The following DNMT3A variants were observed in gnomAD, a reference collection of about 807,000 sequenced individuals.
DNMT3A encodes the protein DNA (cytosine-5)-methyltransferase 3A.
DNMT3A carries 267 observed loss-of-function variants against 117.6 expected under a neutral mutation model. That is an observed-to-expected ratio of 2.27 (90% CI 2.05 to 2.51). The LOEUF (loss-of-function observed/expected upper bound fraction) is 2.51, where lower values mean the gene tolerates loss of function less well. Among genes scored for constraint, DNMT3A ranks in the 30% most tolerant of loss-of-function variants. The pLI is 0.00. For missense variants in DNMT3A, 1,029 were observed against 1,260.2 expected (o/e 0.82, Z 2.78); for synonymous variants, 432 against 474.8 (o/e 0.91, Z 1.17).
rs144134652 is a variant in DNMT3A at position 25,248,186 on chromosome 2, A to G, written c.706T>C (p.Ser236Pro). 5 of 1,612,234 alleles carry G rather than the reference A, an allele frequency of 3.1e-6. No individual in the cohort carries two copies. Among genetic ancestry groups the G allele is most frequent in the African/African-American group, 1.3e-5 (1 of 74,466 alleles). Residue 236 changes from serine to proline, a missense_variant, in exon 7 of 23, where the codon TCT (serine) becomes CCT (proline). Transcript: ENST00000321117. ...GGGCTGGCCTCCTCCACCTTCTGAGACTCCCCGGGCCCCTGGTTTTCTTCC... is the reference window on the plus strand; with the variant it reads ...GGGCTGGCCTCCTCCACCTTCTGAGGCTCCCCGGGCCCCTGGTTTTCTTCC... ...AVEENQGPGE[S>P]QKVEEASPPA... is the part of the protein sequence containing the mutation.
chr2:25,307,962 C>G (rs2033872954), intron 2 of DNMT3A, among the ~76,000 whole-genome samples: 1 of 152,176 alleles, frequency 6.6e-6, no homozygotes, highest in African/African-American at 2.4e-5. Context: ...TCACCACTTG[C>G]CTTGTTTTAC....
chr2:25,240,783 CAGGA>C, intron 17 of DNMT3A, 53 bp from the exon 18 acceptor site: 1 of 1,558,886 alleles, frequency 6.4e-7, no homozygotes, highest in South Asian at 1.1e-5. Flanking sequence ...CAGAGGCAGA[CAGGA>C]AGAAAGAGAA....
Position 25,329,676 on chromosome 2 carries a change from CACA to C in DNMT3A, c.-178+12147_-178+12149del, listed in dbSNP as rs1558746476. On this transcript the variant is annotated intron_variant, in intron 1 of 22. Coordinates refer to ENST00000321117, the MANE Select transcript of DNMT3A (RefSeq NM_022552.5). ...GTCTCTCACAGTCATGCAGACCCCA[CACA>C]CACACACACACACACACACACACAC... Among the ~76,000 whole-genome samples the C allele has an allele frequency of 4.7e-3, 158 of 33,366 alleles. 1 individual carries two copies. The highest frequency in any genetic ancestry group is 0.019 in the Non-Finnish European group (112 of 5,744). The allele number at this position is 33,366 out of a possible 152,430, so 21.9% of individuals were successfully genotyped here.
At position 25,270,146 on chromosome 2, in the gene DNMT3A, A is replaced by C. The variant is rs556325884; in HGVS notation, c.639+4795T>G. Among the ~76,000 whole-genome samples the C allele has an allele frequency of 2.0e-5, 3 of 152,268 alleles. No homozygotes were observed. In the South Asian group the frequency reaches 6.2e-4, roughly 32 times the overall value. On this transcript the variant is annotated intron_variant, in intron 6 of 22. Coordinates refer to ENST00000321117, the MANE Select transcript of DNMT3A (RefSeq NM_022552.5). ...CACACCCGCTGTGCACCACCACAAC[A>C]AACTCCCATTCCTGAAAAGCCCAAG... is the stretch of plus-strand genomic sequence containing the variant.
intron 6 of DNMT3A, among the ~76,000 whole-genome samples, chr2:25,261,912 C>T (rs1437281176): frequency 2.6e-5 from 4 of 151,970 alleles, no homozygotes; most frequent in East Asian, 1.9e-4. Context: ...TGGGGTCGGG[C>T]GCAGTGGCTC....
At chr2:25,251,904 G>A in intron 6 of DNMT3A, 1 of 474,352 alleles carries the variant, frequency 2.1e-6, no homozygotes, top group Non-Finnish European at 3.7e-6. Context: ...GCCCCAGCCT[G>A]CAGTTACCAC....
intron 17 of DNMT3A, among the ~76,000 whole-genome samples, chr2:25,241,061 T>C (rs937567042): frequency 5.9e-5 from 9 of 152,178 alleles, no homozygotes; most frequent in African/African-American, 2.2e-4. Flanking sequence ...CTGGGCCATG[T>C]GAATGTCCTC....
At chr2:25,310,166 G>A (rs1171407149) in intron 2 of DNMT3A, among the ~76,000 whole-genome samples, 1 of 152,188 alleles carries the variant, frequency 6.6e-6, no homozygotes, top group Non-Finnish European at 1.5e-5. Context: ...GGACAGAACT[G>A]AGAACAGGGG....
intron 2 of DNMT3A, among the ~76,000 whole-genome samples, chr2:25,307,680 G>A (rs1327763064): frequency 6.6e-6 from 1 of 152,114 alleles, no homozygotes; most frequent in Non-Finnish European, 1.5e-5. Context: ...TGGCCAGGCT[G>A]GTCTCCAACT....
At chr2:25,251,295 T>A (rs1290583445) in intron 6 of DNMT3A, among the ~76,000 whole-genome samples, 1 of 148,102 alleles carries the variant, frequency 6.8e-6, no homozygotes, top group Non-Finnish European at 1.5e-5. Context: ...CCTGCCTTCC[T>A]CCCCAGGCAA....
At chr2:25,307,048 T>C (rs544410440) in intron 2 of DNMT3A, among the ~76,000 whole-genome samples, 1 of 152,344 alleles carries the variant, frequency 6.6e-6, no homozygotes, top group South Asian at 2.1e-4. Context: ...ATCGGTAAAA[T>C]GGGGATGAGG....
chr2:25,258,486 T>C lies in DNMT3A; in HGVS notation c.640-10234A>G, dbSNP rs1428429971. The stretch of plus-strand genomic sequence containing the variant: ...GTCAGTCCTTAGCACCTGCAGTAGG[T>C]AGGCTGGGGGGAAGGGAAGCAAAGA... On this transcript the variant is annotated intron_variant, in intron 6 of 22. Coordinates refer to ENST00000321117, the MANE Select transcript of DNMT3A (RefSeq NM_022552.5). 2.0e-5 allele frequency among the ~76,000 whole-genome samples: 3 copies of C among 152,198 alleles called. No homozygotes were observed. The East Asian group carries it at 5.8e-4, about 29-fold the overall frequency.
Position 25,281,798 on chromosome 2 carries a change from A to G in DNMT3A, c.448+643T>C. The stretch of plus-strand genomic sequence containing the variant: ...TTTCCAGGCTTCCAGGGTTAGGCCA[A>G]AAAGTCCCCAGATGAAGAGGCCTGG... On this transcript the variant is annotated intron_variant, in intron 4 of 22. Transcript: ENST00000321117. The surrounding 1 kb of genome is among the most constrained non-coding windows in gnomAD (Gnocchi z 4.8). 9.4e-7 allele frequency: 1 copy of G among 1,066,210 alleles called. No homozygotes were observed. The highest frequency in any genetic ancestry group is 1.1e-6 in the Non-Finnish European group (1 of 879,814). The allele number at this position is 1,066,210 out of a possible 1,614,324, so 66.0% of individuals were successfully genotyped here. A position where few individuals can be genotyped will look rare whatever the true frequency, so the allele number is the denominator to read the frequency against.
rs1433344612 is a variant in DNMT3A at position 25,228,099 on chromosome 2, G to C, written c.*6180C>G. 1 of 150,454 alleles carries C rather than the reference G, an allele frequency of 6.6e-6. No homozygotes were observed. Among genetic ancestry groups the C allele is most frequent in the Admixed American group, 6.6e-5 (1 of 15,062 alleles). 9.3% of individuals were successfully genotyped at this position (150,454 alleles called of 1,614,324 possible). The stretch of plus-strand genomic sequence containing the variant: ...AGATACAACAGGACACCAGGCGGGT[G>C]GGGCAGGGACCCCTCGGGCCCCCAC... On this transcript the variant is annotated 3_prime_UTR_variant, in exon 23 of 23. Coordinates refer to ENST00000321117, the MANE Select transcript of DNMT3A (RefSeq NM_022552.5).
chr2:25,324,545 G>A (rs564231882), intron 1 of DNMT3A, among the ~76,000 whole-genome samples: 1 of 152,332 alleles, frequency 6.6e-6, no homozygotes, highest in African/African-American at 2.4e-5. Flanking sequence ...TTTCCTATTT[G>A]AGCTTAGGAG....
chr2:25,311,381 C>T lies in DNMT3A; in HGVS notation c.72+2532G>A, dbSNP rs1010064743. Among the ~76,000 whole-genome samples, 3 of 152,216 alleles carry T rather than the reference C, an allele frequency of 2.0e-5. No homozygotes were observed. The highest frequency in any genetic ancestry group is 4.4e-5 in the Non-Finnish European group (3 of 68,022). On this transcript the variant is annotated intron_variant, in intron 2 of 22. Transcript: ENST00000321117. The surrounding 1 kb of genome is among the most constrained non-coding windows in gnomAD (Gnocchi z 5.2). ...TGCTGTGGTGGCTGTCAGTGTCTCT[C>T]CCCACCCTCCCTGGGCGGCTCCCTG... is the stretch of plus-strand genomic sequence containing the variant.
At position 25,305,347 on chromosome 2, in the gene DNMT3A, G is replaced by T. The variant is rs765201589; in HGVS notation, c.73-5104C>A. Among the ~76,000 whole-genome samples the T allele has an allele frequency of 6.6e-6, 1 of 152,184 alleles. No individual in the cohort carries two copies. Among genetic ancestry groups the T allele is most frequent in the Admixed American group, 6.5e-5 (1 of 15,282 alleles). ...CCTCTCTCTAAACATCTGAGGCTAC[G>T]ATCTGACCTACATTTCAACACTGCT... On this transcript the variant is annotated intron_variant, in intron 2 of 22. Coordinates refer to ENST00000321117, the MANE Select transcript of DNMT3A (RefSeq NM_022552.5). The surrounding 1 kb of genome is among the most constrained non-coding windows in gnomAD (Gnocchi z 4.1).
chr2:25,284,131 C>T (rs903027154), intron 3 of DNMT3A, among the ~76,000 whole-genome samples: 1 of 152,190 alleles, frequency 6.6e-6, no homozygotes, highest in African/African-American at 2.4e-5. Flanking sequence ...CACCAGGCTG[C>T]ACTCAGCAAC....
At chr2:25,284,578 T>C (rs1366845051) in intron 3 of DNMT3A, among the ~76,000 whole-genome samples, 2 of 129,104 alleles carry the variant, frequency 1.5e-5, no homozygotes, top group Non-Finnish European at 3.1e-5. Context: ...ATCCAGGAGG[T>C]AGAGGTTGCA....
Sources: allele counts gnomAD v4.1 joint callset (sites outside exome capture counted in the v4.1 genomes callset), GRCh38; gene constraint gnomAD v4.1.1; non-coding constraint Gnocchi (gnomAD v3.1); transcripts MANE v1.5; gene names NCBI Gene and HGNC (gene_info 2026-07-23, HGNC 2026-07-21).